Variants in BRD3 observed in about 807,000 individuals in gnomAD.
BRD3 encodes bromodomain-containing protein 3.
BRD3 carries 17 observed loss-of-function variants against 66.8 expected under a neutral mutation model. The observed-to-expected ratio is 0.25, with a 90% CI of 0.17 to 0.38. The LOEUF (loss-of-function observed/expected upper bound fraction) is 0.38. BRD3 is among the 10% of genes least tolerant of loss of function. BRD3 has a pLI of 1.00. For synonymous variants in BRD3, 421 were observed against 393.2 expected, an observed-to-expected ratio of 1.07 and a Z score of -0.84; for missense variants, 713 against 956.1, an observed-to-expected ratio of 0.75 and a Z score of 3.35.
chr9:134,055,582 C>T (rs1409116600), intron 1 of BRD3, among the ~76,000 whole-genome samples: 1 of 152,196 alleles, frequency 6.6e-6, no homozygotes, highest in Admixed American at 6.5e-5. Flanking sequence ...GAGCTCACGC[C>T]AGTTATGGGC....
chr9:134,034,635 C>A, intron 11 of BRD3, 66 bp downstream of exon 11: 2 of 1,588,266 alleles, frequency 1.3e-6, no homozygotes, highest in South Asian at 1.1e-5. Flanking sequence ...GCTCGATGCT[C>A]AAACCCCTAC....
Position 134,036,183 on chromosome 9 carries a change from T to C in BRD3, c.1785A>G (p.Val595=). 6.2e-7 allele frequency: 1 copy of C among 1,613,746 alleles called. No individual in the cohort carries two copies. The highest frequency in any genetic ancestry group is 8.5e-7 in the Non-Finnish European group (1 of 1,179,726). ...NRLPGEKLGR[V]VHIIQSREPS... ...GCTCCCGAGATTGGATGATGTGCAC[T>C]ACCCGGCCCAGCTTCTCCCCGGGCA... Residue 595 remains valine, a synonymous_variant, in exon 10 of 12, where the codon GTA becomes GTG. Coordinates refer to ENST00000303407, the MANE Select transcript of BRD3 (RefSeq NM_007371.4).
At chr9:134,035,946 G>A (rs983549424) in intron 10 of BRD3, 86 bp downstream of exon 10, 14 of 1,500,906 alleles carry the variant, frequency 9.3e-6, no homozygotes, top group African/African-American at 1.4e-5. Flanking sequence ...CAAGCTCGCC[G>A]CACAGGGTCC....
chr9:134,059,442 TG>T (rs968318843), intron 1 of BRD3, among the ~76,000 whole-genome samples: 44 of 152,308 alleles, frequency 2.9e-4, no homozygotes, highest in African/African-American at 1.0e-3. Context: ...TGACTCGGGC[TG>T]GAGGAAGGCA....
At chr9:134,053,856 C>T in intron 1 of BRD3, 1 of 240,450 alleles carries the variant, frequency 4.2e-6, no homozygotes, top group Non-Finnish European at 8.1e-6. Flanking sequence ...AGGCACATGC[C>T]ACTTGCTCCC....
rs1360534714 is a variant in BRD3 at position 134,034,705 on chromosome 9, C to T, written c.2061G>A (p.Arg687=). ...GQLSSSKKPA[R]KEKPGSAPSG... ...CACAGCGGCCGCCAGCGGTACCTTT[C>T]CGGGCGGGCTTCTTGCTGCTGCTCA... Residue 687 remains arginine, a synonymous_variant, in exon 11 of 12, where the codon CGG becomes CGA. Coordinates refer to ENST00000303407, the MANE Select transcript of BRD3 (RefSeq NM_007371.4). The T allele has an allele frequency of 6.2e-7, 1 of 1,604,576 alleles. No individual in the cohort carries two copies. The highest frequency in any genetic ancestry group is 1.7e-5 in the Admixed American group (1 of 60,026).
In BRD3 at chr9:134,052,462, G is replaced by A. The variant is rs184712306; in HGVS notation, c.214-19C>T. 1.9e-6 allele frequency: 3 copies of A among 1,593,348 alleles called. No homozygotes were observed. Among genetic ancestry groups the A allele is most frequent in the Admixed American group, 3.4e-5 (2 of 58,468 alleles). On this transcript the variant is annotated intron_variant, in intron 2 of 11. Transcript: ENST00000303407. ...GATAATCCTAGGAAAGAGATTTTCA[G>A]AGGCATTACCAGAAGATTCTACATA...
intron 5 of BRD3, among the ~76,000 whole-genome samples, chr9:134,048,993 G>T (rs1441467620): frequency 6.6e-6 from 1 of 152,202 alleles, no homozygotes; most frequent in Non-Finnish European, 1.5e-5. Flanking sequence ...AGCCCAACCA[G>T]GAGGCATGAA....
intron 4 of BRD3, among the ~76,000 whole-genome samples, chr9:134,051,305 T>C (rs1285278418): frequency 6.6e-6 from 1 of 152,156 alleles, no homozygotes; most frequent in African/African-American, 2.4e-5. Context: ...CAGGGACAGG[T>C]GATCCTCCTA....
intron 7 of BRD3, among the ~76,000 whole-genome samples, chr9:134,043,433 A>G (rs1171752337): frequency 6.6e-6 from 1 of 152,172 alleles, no homozygotes; most frequent in Non-Finnish European, 1.5e-5. Context: ...CAAGCTCAGA[A>G]ACCTGAATCC....
chr9:134,062,126 G>T (rs1830556331), intron 1 of BRD3, among the ~76,000 whole-genome samples: 2 of 152,202 alleles, frequency 1.3e-5, no homozygotes, highest in South Asian at 4.1e-4. Flanking sequence ...AGCCCTGGAG[G>T]AGCCCTGGGG....
At chr9:134,047,910 G>T in intron 6 of BRD3, 173 bp downstream of exon 6, 1 of 888,994 alleles carries the variant, frequency 1.1e-6, no homozygotes, top group Non-Finnish European at 1.6e-6. Flanking sequence ...CGCCTTCCTC[G>T]CTGAGCCTTG....
At chr9:134,042,698 CACACATATATAT>C (rs1363017354) in intron 7 of BRD3, among the ~76,000 whole-genome samples, 112 of 87,668 alleles carry the variant, frequency 1.3e-3, no homozygotes, top group Non-Finnish European at 2.1e-3. Flanking sequence ...CACATATACA[CACACATATATAT>C]ACACATATAT....
rs555857126 is a variant in BRD3 at position 134,045,759 on chromosome 9, C to T, written c.1087-338G>A. Among the ~76,000 whole-genome samples, 3 of 152,318 alleles carry T rather than the reference C, an allele frequency of 2.0e-5. No homozygotes were observed. Among genetic ancestry groups the T allele is most frequent in the African/African-American group, 2.4e-5 (1 of 41,570 alleles). On this transcript the variant is annotated intron_variant, in intron 6 of 11. Transcript: ENST00000303407. The surrounding 1 kb of genome is among the most constrained non-coding windows in gnomAD (Gnocchi z 4.8). The stretch of plus-strand genomic sequence containing the variant: ...GTCCAGAGCTTCCCTTCACACAAAG[C>T]GGGTAAATCTTCACACGCCGCCACG...
rs375686979 is a variant in BRD3, at chr9:134,045,916, G to A, written c.1087-495C>T. On this transcript the variant is annotated intron_variant, in intron 6 of 11. Transcript: ENST00000303407. The surrounding 1 kb of genome is among the most constrained non-coding windows in gnomAD (Gnocchi z 4.8). ...AGCCAGTAGCTGTTAGCCAGCTTGC[G>A]TCTTACAGAAGCACCCTGGTATCCC... 9.5e-4 allele frequency among the ~76,000 whole-genome samples: 144 copies of A among 152,320 alleles called. No individual in the cohort carries two copies. Among genetic ancestry groups the A allele is most frequent in the Non-Finnish European group, 1.7e-3 (113 of 68,012 alleles).
At chr9:134,052,670 C>T (rs140472811) in intron 2 of BRD3, among the ~76,000 whole-genome samples, 55 of 152,286 alleles carry the variant, frequency 3.6e-4, no homozygotes, top group African/African-American at 1.1e-3. Context: ...GAGAGGAGCC[C>T]ACGGAGTTAG....
rs1337664330 is a variant in BRD3, at chr9:134,033,842, G to A, written c.2066-137C>T. 1 of 583,834 alleles carries A rather than the reference G, an allele frequency of 1.7e-6. No individual in the cohort carries two copies. Among genetic ancestry groups the A allele is most frequent in the Non-Finnish European group, 3.1e-6 (1 of 326,504 alleles). 36.2% of individuals were successfully genotyped at this position (583,834 alleles called of 1,614,324 possible). A position where few individuals can be genotyped will look rare whatever the true frequency, so the allele number is the denominator to read the frequency against. On this transcript the variant is annotated intron_variant, in intron 11 of 11. Transcript: ENST00000303407. This position sits in a 1 kb window ranked among gnomAD's most constrained non-coding sequence, Gnocchi z 5.1. ...ACTTCCTGACCCAGTCGTTTAATAA[G>A]TATTTATTGAAATTAATCAGGTCAA...
chr9:134,053,216 A>G, intron 2 of BRD3, 49 bp downstream of exon 2: 3 of 1,595,626 alleles, frequency 1.9e-6, no homozygotes, highest in Non-Finnish European at 2.6e-6. Context: ...AGGGGGACAG[A>G]GGACGGCAGC....
chr9:134,066,204 G>A (rs1438648813), intron 1 of BRD3, among the ~76,000 whole-genome samples: 1 of 152,164 alleles, frequency 6.6e-6, no homozygotes, highest in African/African-American at 2.4e-5. Flanking sequence ...CCCTGCTGAG[G>A]CACCGGGCCT....
Sources: allele counts gnomAD v4.1 joint callset (sites outside exome capture counted in the v4.1 genomes callset), GRCh38; gene constraint gnomAD v4.1.1; non-coding constraint Gnocchi (gnomAD v3.1); transcripts MANE v1.5; gene names NCBI Gene and HGNC (gene_info 2026-07-23, HGNC 2026-07-21).